The following PRDM16 variants were observed in gnomAD, a reference collection of about 807,000 sequenced individuals.
PRDM16 encodes histone-lysine N-methyltransferase PRDM16.
In PRDM16, 23 loss-of-function variants were observed where a neutral mutation model predicts 110.6. That is an observed-to-expected ratio of 0.21 (90% confidence interval 0.15 to 0.29). The LOEUF (loss-of-function observed/expected upper bound fraction) is 0.29, where lower values mean the gene tolerates loss of function less well. Among genes scored for constraint, PRDM16 ranks in the 10% least tolerant of loss-of-function variants. The pLI, the probability that PRDM16 is intolerant of heterozygous loss-of-function variation, is 1.00. For synonymous variants in PRDM16, 799 were observed against 781.8 expected, an observed-to-expected ratio of 1.02 and a Z score of -0.37; for missense variants, 1,615 against 1,794.3, an observed-to-expected ratio of 0.90 and a Z score of 1.81.
chr1:3,076,789 C>T (rs538663419), intron 1 of PRDM16, among the ~76,000 whole-genome samples: 8 of 152,338 alleles, frequency 5.3e-5, no homozygotes, highest in Non-Finnish European at 1.2e-4. Flanking sequence ...AAGGACTATT[C>T]CCTGTCCCTC....
At chr1:3,118,826 G>T (rs1163791196) in intron 1 of PRDM16, among the ~76,000 whole-genome samples, 1 of 152,242 alleles carries the variant, frequency 6.6e-6, no homozygotes, top group Non-Finnish European at 1.5e-5. Flanking sequence ...TGCATGCGCT[G>T]TGTGTGCACT....
chr1:3,398,949 A>T (rs1643426536), intron 5 of PRDM16, among the ~76,000 whole-genome samples: 1 of 152,210 alleles, frequency 6.6e-6, no homozygotes, highest in East Asian at 1.9e-4. Context: ...GGGAGAACCG[A>T]GCCTCTGCCC....
In PRDM16 at chr1:3,430,852, C is replaced by T; in HGVS notation, c.3285-20C>T. On this transcript the variant is annotated intron_variant, in intron 14 of 16. Coordinates refer to ENST00000270722, the MANE Select transcript of PRDM16 (RefSeq NM_022114.4). The stretch of plus-strand genomic sequence containing the variant: ...ACAGAGACACCCAAACTCAGTCAAT[C>T]TCCTCCTGCATCATTTCAGGGCGGA... 1.2e-6 allele frequency: 2 copies of T among 1,611,880 alleles called. No homozygotes were observed. Among genetic ancestry groups the T allele is most frequent in the Non-Finnish European group, 1.7e-6 (2 of 1,178,306 alleles).
chr1:3,377,394 A>G (rs1163974376), intron 3 of PRDM16, among the ~76,000 whole-genome samples: 1 of 152,246 alleles, frequency 6.6e-6, no homozygotes, highest in Non-Finnish European at 1.5e-5. Flanking sequence ...GCGGCTGGCC[A>G]TGCCCACTGA....
intron 1 of PRDM16, among the ~76,000 whole-genome samples, chr1:3,136,214 G>T (rs1168096200): frequency 6.6e-6 from 1 of 152,220 alleles, no homozygotes; most frequent in East Asian, 1.9e-4. Context: ...GGGGGCCTGG[G>T]GCTGCAGCGT....
rs896396266 is a variant in PRDM16, at chr1:3,088,451, ATTTAT to A, written c.37+19158_37+19162del. ...TGGGAGATGCAGGGATTCTTTTATTATTTATTTATTTATTTATTTATTTATTTATT... is the reference window on the plus strand; with the variant it reads ...TGGGAGATGCAGGGATTCTTTTATTATTATTTATTTATTTATTTATTTATT... On this transcript the variant is annotated intron_variant, in intron 1 of 16. Transcript: ENST00000270722. Among the ~76,000 whole-genome samples, 7 of 80,800 alleles carry A rather than the reference ATTTAT, an allele frequency of 8.7e-5. No homozygotes were observed. In the East Asian group the frequency reaches 9.8e-4, roughly 11 times the overall value. The allele number at this position is 80,800 out of a possible 152,430, so 53.0% of individuals were successfully genotyped here. A position where few individuals can be genotyped will look rare whatever the true frequency, so the allele number is the denominator to read the frequency against.
intron 3 of PRDM16, among the ~76,000 whole-genome samples, chr1:3,377,172 ACCCTCTCCCCCGGCTCCCGC>A (rs1643006333): frequency 6.6e-6 from 1 of 151,726 alleles, no homozygotes; most frequent in Non-Finnish European, 1.5e-5. Context: ...GGGTAAGGAG[ACCCTCTCCCCCGGCTCCCGC>A]CAGCTCCTGG....
intron 3 of PRDM16, among the ~76,000 whole-genome samples, chr1:3,275,698 G>A (rs1165394990): frequency 6.6e-6 from 1 of 152,132 alleles, no homozygotes; most frequent in Non-Finnish European, 1.5e-5. Flanking sequence ...ACCGGGCAGG[G>A]CTCAAAGGGA....
Position 3,223,984 on chromosome 1 carries a change from T to G in PRDM16, c.388-20103T>G, listed in dbSNP as rs566530847. Among the ~76,000 whole-genome samples, 5 of 152,320 alleles carry G rather than the reference T, an allele frequency of 3.3e-5. No individual in the cohort carries two copies. In the East Asian group the frequency reaches 9.6e-4, roughly 29 times the overall value. ...TAAACGGGTATCACTTTTGGAAATT[T>G]TATATATAATAGGAAATCTATGGCA... is the stretch of plus-strand genomic sequence containing the variant. On this transcript the variant is annotated intron_variant, in intron 2 of 16. Coordinates refer to ENST00000270722, the MANE Select transcript of PRDM16 (RefSeq NM_022114.4).
intron 15 of PRDM16, 37 bp downstream of exon 15, chr1:3,431,145 GGGAAC>G: frequency 6.5e-7 from 1 of 1,537,772 alleles, no homozygotes; most frequent in Non-Finnish European, 8.8e-7. Flanking sequence ...GGGGCAGGGA[GGGAAC>G]GTGGGCGTCC....
At chr1:3,397,089 T>C (rs1185657530) in intron 5 of PRDM16, among the ~76,000 whole-genome samples, 1 of 152,200 alleles carries the variant, frequency 6.6e-6, no homozygotes, top group African/African-American at 2.4e-5. Context: ...GTGGGAAGAT[T>C]TTGTTTCATT....
At chr1:3,422,683 C>T (rs1484862914) in intron 12 of PRDM16, among the ~76,000 whole-genome samples, 3 of 152,238 alleles carry the variant, frequency 2.0e-5, no homozygotes, top group African/African-American at 7.2e-5. Context: ...GTGTGGGACA[C>T]GTCGGGTAGG....
chr1:3,408,654 GCAT>G (rs1643604399), intron 8 of PRDM16, among the ~76,000 whole-genome samples: 1 of 150,884 alleles, frequency 6.6e-6, no homozygotes, highest in African/African-American at 2.5e-5. Flanking sequence ...GCCTGTGTTG[GCAT>G]GTGTGAGAGT....
intron 1 of PRDM16, among the ~76,000 whole-genome samples, chr1:3,075,516 A>G (rs1438843149): frequency 6.6e-6 from 1 of 152,288 alleles, no homozygotes; most frequent in Non-Finnish European, 1.5e-5. Context: ...TTTGAAACAA[A>G]TCATTATTGC....
intron 1 of PRDM16, among the ~76,000 whole-genome samples, chr1:3,126,419 G>A (rs1643209464): frequency 6.6e-6 from 1 of 152,234 alleles, no homozygotes; most frequent in African/African-American, 2.4e-5. Context: ...GGCTGCAGGT[G>A]CGCAGGAAGG....
intron 10 of PRDM16, among the ~76,000 whole-genome samples, chr1:3,414,977 A>G (rs1643755411): frequency 6.6e-6 from 1 of 152,152 alleles, no homozygotes; most frequent in Non-Finnish European, 1.5e-5. Flanking sequence ...GAGTGAGGGG[A>G]GCAGCCTCAG....
chr1:3,191,400 C>T (rs907366501), intron 2 of PRDM16, among the ~76,000 whole-genome samples: 3 of 152,176 alleles, frequency 2.0e-5, no homozygotes, highest in Non-Finnish European at 2.9e-5. Flanking sequence ...ACCCCCAAGC[C>T]GGTGCCTCCT....
chr1:3,117,141 G>T (rs537724697), intron 1 of PRDM16, among the ~76,000 whole-genome samples: 1 of 152,208 alleles, frequency 6.6e-6, no homozygotes, highest in East Asian at 1.9e-4. Flanking sequence ...CTTCTGCTCC[G>T]GCTGTTTCGG....
At chr1:3,270,773 G>A (rs2100287753) in intron 3 of PRDM16, among the ~76,000 whole-genome samples, 1 of 151,600 alleles carries the variant, frequency 6.6e-6, no homozygotes, top group African/African-American at 2.4e-5. Flanking sequence ...AGTCCTGGAG[G>A]AGGACAGTCC....
Sources: gnomAD v4.1 joint callset for allele counts (sites outside exome capture counted in the v4.1 genomes callset) on GRCh38, gnomAD v4.1.1 for gene constraint, MANE v1.5 for transcripts, NCBI Gene and HGNC (gene_info 2026-07-23, HGNC 2026-07-21) for gene names.